Variants in CYRIA observed in about 807,000 individuals in gnomAD.
The protein encoded by CYRIA is CYFIP-related Rac1 interactor A.
CYRIA carries 15 observed loss-of-function variants against 43.9 expected under a neutral mutation model. The ratio of observed to expected loss-of-function variants is 0.34; its 90% CI spans 0.23 to 0.53. CYRIA has a LOEUF of 0.53. CYRIA is among the 20% of genes least tolerant of loss of function. CYRIA has a pLI of 0.94. For synonymous variants in CYRIA, 117 were observed against 136.0 expected (o/e 0.86, Z 0.97); for missense variants, 236 against 394.2 (o/e 0.60, Z 3.40).
At chr2:16,610,510 C>T (rs747031975) in intron 2 of CYRIA, among the ~76,000 whole-genome samples, 1 of 152,170 alleles carries the variant, frequency 6.6e-6, no homozygotes, top group Non-Finnish European at 1.5e-5. Flanking sequence ...TGCCTGAATA[C>T]ATTTTTGTGA....
intron 2 of CYRIA, among the ~76,000 whole-genome samples, chr2:16,593,037 G>GT (rs1225568077): frequency 6.6e-6 from 1 of 152,166 alleles, no homozygotes; most frequent in Non-Finnish European, 1.5e-5. Flanking sequence ...TACGATAATA[G>GT]TATCTCCTGC....
intron 2 of CYRIA, among the ~76,000 whole-genome samples, chr2:16,619,536 A>T (rs560589669): frequency 2.0e-5 from 3 of 152,344 alleles, no homozygotes; most frequent in African/African-American, 7.2e-5. Flanking sequence ...CCAGAGAGCT[A>T]TGGTGTAATC....
In CYRIA at chr2:16,618,853, C is replaced by T. The variant is rs115189559; in HGVS notation, c.-11+5011G>A. On this transcript the variant is annotated intron_variant, in intron 2 of 11. Transcript: ENST00000381323. ...TGCTGCTCTGACCTCACTGCTTGCC[C>T]GGTCCTGCATTTTGGAGTCCAGGTG... 3.5e-3 allele frequency among the ~76,000 whole-genome samples: 539 copies of T among 152,302 alleles called. 4 individuals carry two copies. Among genetic ancestry groups the T allele is most frequent in the African/African-American group, 0.013 (526 of 41,572 alleles).
At chr2:16,585,716 A>C (rs1298701538) in intron 3 of CYRIA, among the ~76,000 whole-genome samples, 3 of 152,132 alleles carry the variant, frequency 2.0e-5, no homozygotes, top group Non-Finnish European at 2.9e-5. Flanking sequence ...TTCTTTACAT[A>C]AAACATTAAG....
Position 16,561,142 on chromosome 2 carries a change from G to A in CYRIA, c.630+19C>T, listed in dbSNP as rs75813257. ...GTGGAATTAAGGAAAAAAGCACCTCGTTGCTCAACTTCACTTACTTCAGAG... is the reference window on the plus strand; with the variant it reads ...GTGGAATTAAGGAAAAAAGCACCTCATTGCTCAACTTCACTTACTTCAGAG... On this transcript the variant is annotated intron_variant, in intron 8 of 11. Transcript: ENST00000381323. 9.1e-4 allele frequency: 1,463 copies of A among 1,610,256 alleles called. 12 individuals carry two copies. In the African/African-American group the frequency reaches 0.016, roughly 18 times the overall value.
At chr2:16,557,022 C>G (rs1305936926) in intron 10 of CYRIA, among the ~76,000 whole-genome samples, 1 of 152,004 alleles carries the variant, frequency 6.6e-6, no homozygotes, top group Non-Finnish European at 1.5e-5. Context: ...GAAATGGGGT[C>G]TGGAATTCTG....
chr2:16,622,138 G>A (rs866490170), intron 2 of CYRIA, among the ~76,000 whole-genome samples: 4 of 152,160 alleles, frequency 2.6e-5, no homozygotes, highest in East Asian at 3.9e-4. Context: ...CCAGGATACC[G>A]GCCCCAAATC....
Position 16,578,199 on chromosome 2 carries a change from T to C in CYRIA, c.70+9851A>G, listed in dbSNP as rs528194028. On this transcript the variant is annotated intron_variant, in intron 3 of 11. Transcript: ENST00000381323. ...TCTGAAATTTACAGTGAACCACGTA[T>C]AACAAGCAACAGTGTAGCCCAGATC... Among the ~76,000 whole-genome samples, 33 of 152,300 alleles carry C rather than the reference T, an allele frequency of 2.2e-4. 1 individual carries two copies. In the South Asian group the frequency reaches 6.4e-3, roughly 30 times the overall value.
At chr2:16,616,431 C>G (rs566125563) in intron 2 of CYRIA, among the ~76,000 whole-genome samples, 1 of 152,190 alleles carries the variant, frequency 6.6e-6, no homozygotes, top group Non-Finnish European at 1.5e-5. Flanking sequence ...CTGGCTCCCC[C>G]GGGCTCCTGC....
intron 2 of CYRIA, among the ~76,000 whole-genome samples, chr2:16,601,860 A>G (rs1401737740): frequency 6.6e-6 from 1 of 152,246 alleles, no homozygotes; most frequent in Non-Finnish European, 1.5e-5. Flanking sequence ...GGTTTATTTT[A>G]AAAAGAAGTG....
At chr2:16,612,336 A>AG (rs1553344780) in intron 2 of CYRIA, among the ~76,000 whole-genome samples, 3 of 151,966 alleles carry the variant, frequency 2.0e-5, no homozygotes, top group Admixed American at 1.3e-4. Flanking sequence ...GAGGATAGGA[A>AG]GAAGGAAGGA....
At chr2:16,651,228 C>A (rs1377629207) in intron 1 of CYRIA, among the ~76,000 whole-genome samples, 1 of 152,214 alleles carries the variant, frequency 6.6e-6, no homozygotes, top group Admixed American at 6.5e-5. Flanking sequence ...CCTCCCACTC[C>A]TGTATACCCA....
chr2:16,623,406 C>T (rs994854577), intron 2 of CYRIA, among the ~76,000 whole-genome samples: 1 of 152,222 alleles, frequency 6.6e-6, no homozygotes, highest in Admixed American at 6.5e-5. Context: ...AGCCTGTCTG[C>T]TGTAAGCGCC....
At chr2:16,589,810 C>T (rs548687003) in intron 2 of CYRIA, among the ~76,000 whole-genome samples, 3 of 151,806 alleles carry the variant, frequency 2.0e-5, no homozygotes, top group East Asian at 1.9e-4. Flanking sequence ...TATAATAGGC[C>T]GTATGCTGTG....
intron 3 of CYRIA, among the ~76,000 whole-genome samples, chr2:16,579,797 A>G (rs971951678): frequency 2.0e-5 from 3 of 152,218 alleles, no homozygotes; most frequent in Middle Eastern, 3.2e-3. Flanking sequence ...ACAAATAGAC[A>G]TAACACCAAG....
At chr2:16,655,070 A>G (rs1670073975) in intron 1 of CYRIA, among the ~76,000 whole-genome samples, 1 of 152,222 alleles carries the variant, frequency 6.6e-6, no homozygotes, top group Non-Finnish European at 1.5e-5. Flanking sequence ...GCCTTGACAC[A>G]CAGATGTTTT....
At chr2:16,639,709 C>T (rs1163150008) in intron 1 of CYRIA, among the ~76,000 whole-genome samples, 2 of 152,202 alleles carry the variant, frequency 1.3e-5, no homozygotes, top group Non-Finnish European at 2.9e-5. Flanking sequence ...GGGGGAAGAG[C>T]GTGTCTGTAA....
intron 1 of CYRIA, among the ~76,000 whole-genome samples, chr2:16,635,806 G>A (rs542224217): frequency 6.6e-6 from 1 of 152,236 alleles, no homozygotes; most frequent in South Asian, 2.1e-4. Flanking sequence ...GTTTTCAAAG[G>A]CTCCTCTGGG....
At chr2:16,636,857 T>A (rs575460146) in intron 1 of CYRIA, among the ~76,000 whole-genome samples, 4 of 152,110 alleles carry the variant, frequency 2.6e-5, no homozygotes, top group African/African-American at 7.2e-5. Flanking sequence ...GCGCCTGTAG[T>A]TCCAGCTACT....
Sources: allele counts gnomAD v4.1 joint callset (sites outside exome capture counted in the v4.1 genomes callset), GRCh38; gene constraint gnomAD v4.1.1; transcripts MANE v1.5; gene names NCBI Gene and HGNC (gene_info 2026-07-23, HGNC 2026-07-21).